Variants in GPRC5B observed in about 807,000 individuals in gnomAD.
GPRC5B encodes the protein G protein-coupled receptor class C group 5 member B.
GPRC5B carries 16 observed loss-of-function variants against 30.1 expected under a neutral mutation model. That is an observed-to-expected ratio of 0.53 (90% CI 0.36 to 0.81). The LOEUF is 0.81. GPRC5B is among the 30% of genes least tolerant of loss of function. GPRC5B has a pLI of 0.01. For synonymous variants in GPRC5B, 241 were observed against 239.5 expected (o/e 1.01, Z -0.06); for missense variants, 428 against 544.7 (o/e 0.79, Z 2.13).
chr16:19,858,259 A>G lies in GPRC5B; in HGVS notation c.*2241T>C. The stretch of plus-strand genomic sequence containing the variant: ...CCCCCATTATGAAGGCGTTCAGCCC[A>G]CTCTCAACCTTAAAAGCCAAAATAA... On this transcript the variant is annotated 3_prime_UTR_variant, in exon 4 of 4. Coordinates refer to ENST00000300571, the MANE Select transcript of GPRC5B (RefSeq NM_016235.3). The G allele has an allele frequency of 2.5e-6, 1 of 393,576 alleles. No individual in the cohort carries two copies. The highest frequency in any genetic ancestry group is 1.0e-4 in the South Asian group (1 of 9,962). 24.4% of individuals were successfully genotyped at this position (393,576 alleles called of 1,614,324 possible).
At chr16:19,878,535 C>T (rs539164045) in intron 1 of GPRC5B, among the ~76,000 whole-genome samples, 6 of 152,214 alleles carry the variant, frequency 3.9e-5, no homozygotes, top group Admixed American at 3.9e-4. Context: ...CTCAAGTGAT[C>T]TGCCCGCCTC....
In GPRC5B at chr16:19,860,372, G is replaced by T. The variant is rs2056611165; in HGVS notation, c.*128C>A. On this transcript the variant is annotated 3_prime_UTR_variant, in exon 4 of 4. Coordinates refer to ENST00000300571, the MANE Select transcript of GPRC5B (RefSeq NM_016235.3). ...ATTTACACGAAATCCCCTTGGCTAG[G>T]ATTTCCAAATTTCCTGGCTGTGAGG... The T allele has an allele frequency of 3.1e-6, 2 of 646,524 alleles. No homozygotes were observed. The highest frequency in any genetic ancestry group is 2.8e-6 in the Non-Finnish European group (1 of 361,034). The allele number at this position is 646,524 out of a possible 1,614,324, so 40.0% of individuals were successfully genotyped here. A position where few individuals can be genotyped will look rare whatever the true frequency, so the allele number is the denominator to read the frequency against.
chr16:19,880,952 A>G (rs2056802813), intron 1 of GPRC5B: 1 of 152,134 alleles, frequency 6.6e-6, no homozygotes, highest in Admixed American at 6.6e-5. Flanking sequence ...CTAGCAGGGC[A>G]GTGGCATCTT....
chr16:19,877,969 C>T (rs2056771574), intron 1 of GPRC5B, among the ~76,000 whole-genome samples: 1 of 151,928 alleles, frequency 6.6e-6, no homozygotes, highest in African/African-American at 2.4e-5. Flanking sequence ...GAGGCCGAGG[C>T]AGGCAGATCA....
chr16:19,864,469 T>C (rs2141139687), intron 2 of GPRC5B, among the ~76,000 whole-genome samples: 1 of 152,368 alleles, frequency 6.6e-6, no homozygotes, highest in South Asian at 2.1e-4. Context: ...TACTTACTAA[T>C]AAGCAGCAGG....
intron 2 of GPRC5B, among the ~76,000 whole-genome samples, chr16:19,862,774 G>A (rs900170526): frequency 4.6e-5 from 7 of 152,070 alleles, no homozygotes; most frequent in Admixed American, 1.3e-4. Flanking sequence ...AAAATTAGCC[G>A]GGTATGGTGG....
intron 1 of GPRC5B, among the ~76,000 whole-genome samples, chr16:19,873,060 G>C (rs1326746729): frequency 6.6e-6 from 1 of 152,130 alleles, no homozygotes; most frequent in African/African-American, 2.4e-5. Flanking sequence ...GAAGAACCGT[G>C]AATCATCATC....
intron 1 of GPRC5B, among the ~76,000 whole-genome samples, chr16:19,878,522 G>C (rs2056778310): frequency 6.6e-6 from 1 of 152,068 alleles, no homozygotes; most frequent in African/African-American, 2.4e-5. Flanking sequence ...TTGAACTCCT[G>C]ACCTCAAGTG....
chr16:19,880,779 C>T (rs1209366072), intron 1 of GPRC5B, among the ~76,000 whole-genome samples: 1 of 152,232 alleles, frequency 6.6e-6, no homozygotes, highest in Non-Finnish European at 1.5e-5. Context: ...AACCAGCATC[C>T]TCATCTTCCC....
intron 2 of GPRC5B, among the ~76,000 whole-genome samples, chr16:19,865,293 G>T (rs2056657436): frequency 6.6e-6 from 1 of 152,164 alleles, no homozygotes; most frequent in Non-Finnish European, 1.5e-5. Flanking sequence ...CAAGGTTGCT[G>T]AAGAGGTGGA....
rs1397107158 is a variant in GPRC5B, at chr16:19,856,774, C to T, written c.*3726G>A. 5.7e-6 allele frequency: 3 copies of T among 528,368 alleles called. No homozygotes were observed. Among genetic ancestry groups the T allele is most frequent in the Non-Finnish European group, 1.0e-5 (3 of 299,034 alleles). 32.7% of individuals were successfully genotyped at this position (528,368 alleles called of 1,614,324 possible). A position where few individuals can be genotyped will look rare whatever the true frequency, so the allele number is the denominator to read the frequency against. On this transcript the variant is annotated 3_prime_UTR_variant, in exon 4 of 4. Transcript: ENST00000300571. ...TTCTGCATTATCCCCACATTTTATT[C>T]ATTCATCCAGATTACTTCTTCAGTG...
At chr16:19,884,119 C>T (rs1371629144) in intron 1 of GPRC5B, among the ~76,000 whole-genome samples, 1 of 142,542 alleles carries the variant, frequency 7.0e-6, no homozygotes, top group African/African-American at 2.6e-5. Flanking sequence ...CCCCCTCCTC[C>T]CCACCCCTCC....
intron 2 of GPRC5B, among the ~76,000 whole-genome samples, chr16:19,869,059 T>C (rs533095199): frequency 6.6e-6 from 1 of 152,248 alleles, no homozygotes; most frequent in South Asian, 2.1e-4. Flanking sequence ...CCGGGCGCAG[T>C]GGCTCATGTC....
intron 2 of GPRC5B, among the ~76,000 whole-genome samples, chr16:19,864,883 C>A (rs2056654305): frequency 1.3e-5 from 2 of 151,608 alleles, no homozygotes; most frequent in African/African-American, 4.9e-5. Flanking sequence ...TCCAACTTAG[C>A]CTTTCTGTGG....
chr16:19,869,127 G>C (rs546620200), intron 2 of GPRC5B, among the ~76,000 whole-genome samples: 1 of 151,968 alleles, frequency 6.6e-6, no homozygotes, highest in Admixed American at 6.6e-5. Context: ...TCAGGAGTTC[G>C]AGACCAGCCT....
rs752600969 is a variant in GPRC5B at position 19,860,550 on chromosome 16, A to G, written c.1168-6T>C. The G allele has an allele frequency of 6.3e-6, 10 of 1,583,556 alleles. No individual in the cohort carries two copies. In the South Asian group the frequency reaches 1.1e-4, roughly 18 times the overall value. ...CTTGGCGGAGCAGTTGGGATCTGGA[A>G]TAACACATAAGGATAACACACTGAG... On this transcript the variant is annotated splice_region_variant and splice_polypyrimidine_tract_variant and intron_variant, in intron 3 of 3. Coordinates refer to ENST00000300571, the MANE Select transcript of GPRC5B (RefSeq NM_016235.3).
chr16:19,863,965 T>C (rs2056647562), intron 2 of GPRC5B, among the ~76,000 whole-genome samples: 1 of 151,988 alleles, frequency 6.6e-6, no homozygotes, highest in Non-Finnish European at 1.5e-5. Context: ...CATGGAAAGA[T>C]TGTCCGTGGT....
intron 2 of GPRC5B, among the ~76,000 whole-genome samples, chr16:19,867,942 C>T (rs1384847520): frequency 6.6e-6 from 1 of 151,990 alleles, no homozygotes; most frequent in South Asian, 2.1e-4. Flanking sequence ...GTGTCCGTCT[C>T]AAGTAGTCCT....
chr16:19,861,954 A>G lies in GPRC5B; in HGVS notation c.1050T>C (p.Phe350=). 6.2e-7 allele frequency: 1 copy of G among 1,613,870 alleles called. No homozygotes were observed. The highest frequency in any genetic ancestry group is 8.5e-7 in the Non-Finnish European group (1 of 1,179,834). The part of the protein sequence containing the change: ...EHNAALRTAG[F]PNGSLGKRPS... ...GTCTTTTTCCCAAGCTGCCGTTGGG[A>G]AATCCTGCTGTTCGGAGAGCTGGGG... is the stretch of plus-strand genomic sequence containing the variant. The change falls in exon 3 of 4, where the codon TTT becomes TTC. Residue 350 remains phenylalanine, a synonymous_variant. Transcript: ENST00000300571.
Sources: gnomAD v4.1 joint callset for allele counts (sites outside exome capture counted in the v4.1 genomes callset) on GRCh38, gnomAD v4.1.1 for gene constraint, MANE v1.5 for transcripts, NCBI Gene and HGNC (gene_info 2026-07-23, HGNC 2026-07-21) for gene names.